Variants in RGS16 observed in about 807,000 individuals in gnomAD.
RGS16 encodes hRGS-r.
In RGS16, 12 loss-of-function variants were observed where a neutral mutation model predicts 18.1. That is an observed-to-expected ratio of 0.66 (90% CI 0.42 to 1.07). The LOEUF is 1.07. Ranked by LOEUF, RGS16 falls within the 50% of genes least tolerant of loss-of-function variation. The probability of loss-of-function intolerance (pLI) is 0.00; values close to 1 mark genes in which losing one functional copy is unlikely to be tolerated. For synonymous variants in RGS16, 88 were observed against 102.0 expected, an observed-to-expected ratio of 0.86 and a Z score of 0.83; for missense variants, 238 against 249.2, an observed-to-expected ratio of 0.95 and a Z score of 0.30.
chr1:182,601,096 C>G (rs1299290173), intron 4 of RGS16, among the ~76,000 whole-genome samples: 1 of 152,250 alleles, frequency 6.6e-6, no homozygotes, highest in East Asian at 1.9e-4. Context: ...CAGGCAGGCT[C>G]TGGCCATTGC....
At position 182,602,100 on chromosome 1, in the gene RGS16, T is replaced by C; in HGVS notation, c.253A>G (p.Thr85Ala). ...GVAAFHAFLK[T>A]EFSEENLEFW... ...TCCAGGTTCTCCTCACTGAACTCTG[T>C]CTTCAGGAAAGCGTGGAAGGCAGCC... Residue 85 changes from threonine (T) to alanine (A), a missense_variant, in exon 4 of 5, where the codon ACA (threonine) becomes GCA (alanine). Physicochemically the swap from Thr to Ala is moderately conservative, Grantham distance 58 (BLOSUM62 0). Coordinates refer to ENST00000367558, the MANE Select transcript of RGS16 (RefSeq NM_002928.4). 6.2e-7 allele frequency: 1 copy of C among 1,614,054 alleles called. No homozygotes were observed. Among genetic ancestry groups the C allele is most frequent in the East Asian group, 2.2e-5 (1 of 44,880 alleles).
intron 3 of RGS16, 74 bp from the exon 4 acceptor site, chr1:182,602,206 A>G: frequency 1.4e-6 from 2 of 1,476,598 alleles, no homozygotes; most frequent in African/African-American, 2.8e-5. Context: ...AAGGAAAGCA[A>G]TTGCAATTAA....
In RGS16 at chr1:182,600,556, G is replaced by A. The variant is rs555060803; in HGVS notation, c.388-43C>T. The A allele has an allele frequency of 4.3e-5, 67 of 1,576,266 alleles. 2 individuals are homozygous for A. In the South Asian group the frequency reaches 6.8e-4, roughly 16 times the overall value. On this transcript the variant is annotated intron_variant, in intron 4 of 4. Coordinates refer to ENST00000367558, the MANE Select transcript of RGS16 (RefSeq NM_002928.4). ...CACACAGGGTGAGTTGGGGAAGAGG[G>A]TGGGCATGGCTGAGGGAGGGCCAAC... is the stretch of plus-strand genomic sequence containing the variant.
rs1222663344 is a variant in RGS16 at position 182,603,293 on chromosome 1, C to T, written c.91G>A (p.Glu31Lys). 2 of 1,614,216 alleles carry T rather than the reference C, an allele frequency of 1.2e-6. No homozygotes were observed. The highest frequency in any genetic ancestry group is 1.7e-6 in the Non-Finnish European group (2 of 1,180,036). Residue 31 changes from glutamate to lysine, a missense_variant, in exon 2 of 5, where the codon GAG becomes AAG. By Grantham distance (56) the Glu-to-Lys change is moderately conservative (BLOSUM62 1). Coordinates refer to ENST00000367558, the MANE Select transcript of RGS16 (RefSeq NM_002928.4). ...TRLGIFLHKS[E>K]LGCDTGSTGK... ...GTACTCCCAGTATCGCAGCCCAGCT[C>T]TGATTTGTGAAGAAAGATCCCCAGA...
Position 182,604,353 on chromosome 1 carries a change from G to C in RGS16, c.-94C>G, listed in dbSNP as rs930124285. The C allele has an allele frequency of 7.7e-7, 1 of 1,298,446 alleles. No individual in the cohort carries two copies. The highest frequency in any genetic ancestry group is 1.5e-5 in the African/African-American group (1 of 67,150). 80.4% of individuals were successfully genotyped at this position (1,298,446 alleles called of 1,614,324 possible). On this transcript the variant is annotated 5_prime_UTR_variant, in exon 1 of 5. Transcript: ENST00000367558. ...AGGAAGCAAAGGCGCGGTAGCAGGT[G>C]CTAGTCAACTGCGGTTGGGTTTAGC... is the stretch of plus-strand genomic sequence containing the variant.
Position 182,602,059 on chromosome 1 carries a change from A to G in RGS16, c.294T>C (p.Cys98=), listed in dbSNP as rs202168139. 9 of 1,613,974 alleles carry G rather than the reference A, an allele frequency of 5.6e-6. No individual in the cohort carries two copies. Among genetic ancestry groups the G allele is most frequent in the Non-Finnish European group, 7.6e-6 (9 of 1,180,024 alleles). Residue 98 remains cysteine (C), a synonymous_variant, in exon 4 of 5, where the codon TGT becomes TGC. Coordinates refer to ENST00000367558, the MANE Select transcript of RGS16 (RefSeq NM_002928.4). ...CTGATCGGATCTTCTTGAACTCCTCACAGGCCAGCCAGAACTCCAGGTTCT... is the reference window on the plus strand; with the variant it reads ...CTGATCGGATCTTCTTGAACTCCTCGCAGGCCAGCCAGAACTCCAGGTTCT... ...SEENLEFWLA[C]EEFKKIRSAT... is the part of the protein sequence containing the mutation.
At position 182,602,423 on chromosome 1, in the gene RGS16, T is replaced by C; in HGVS notation, c.217A>G (p.Lys73Glu). 1 of 1,613,730 alleles carries C rather than the reference T, an allele frequency of 6.2e-7. No individual in the cohort carries two copies. The highest frequency in any genetic ancestry group is 8.5e-7 in the Non-Finnish European group (1 of 1,179,818). The part of the protein sequence containing the change: ...RESFDLLLSS[K>E]NGVAAFHAFL... ...GACACAAAAGGCTCCTACTCACTTT[T>C]ACTGCTCAGCAGCAGGTCGAACGAC... Residue 73 changes from lysine (K) to glutamate (E), a missense_variant, in exon 3 of 5, where the codon AAA becomes GAA. By Grantham distance (56) the Lys-to-Glu change is moderately conservative. Coordinates refer to ENST00000367558, the MANE Select transcript of RGS16 (RefSeq NM_002928.4).
Position 182,599,899 on chromosome 1 carries a change from G to T in RGS16, c.*393C>A. On this transcript the variant is annotated 3_prime_UTR_variant, in exon 5 of 5. Coordinates refer to ENST00000367558, the MANE Select transcript of RGS16 (RefSeq NM_002928.4). ...GAGCAACAGGCAAAACAGCTGATCT[G>T]GATGTCTTTCCTCCTCTCATTTTCA... The T allele has an allele frequency of 4.7e-6, 1 of 213,164 alleles. No homozygotes were observed. Among genetic ancestry groups the T allele is most frequent in the East Asian group, 1.2e-4 (1 of 8,562 alleles). 13.2% of individuals were successfully genotyped at this position (213,164 alleles called of 1,614,324 possible).
rs766520996 is a variant in RGS16 at position 182,600,500 on chromosome 1, T to C, written c.401A>G (p.His134Arg). 7 of 1,613,676 alleles carry C rather than the reference T, an allele frequency of 4.3e-6. No individual in the cohort carries two copies. Among genetic ancestry groups the C allele is most frequent in the African/African-American group, 2.7e-5 (2 of 74,844 alleles). Residue 134 changes from histidine to arginine, a missense_variant, in exon 5 of 5, where the codon CAT (histidine) becomes CGT (arginine). Transcript: ENST00000367558. ...SEAPKEVNID[H>R]ETHELTRMNL... ...CATCCTCGTCAGCTCGTGGGTCTCA[T>C]GGTCAATGTTGACCTGCGGGAAGGA...
At position 182,600,131 on chromosome 1, in the gene RGS16, C is replaced by T. The variant is rs557351871; in HGVS notation, c.*161G>A. The stretch of plus-strand genomic sequence containing the variant: ...ACAGTATCTGAAGGAGAGACTGCTG[C>T]TTCCCAAACAGGCTGCTGGAGCGCA... On this transcript the variant is annotated 3_prime_UTR_variant, in exon 5 of 5. Coordinates refer to ENST00000367558, the MANE Select transcript of RGS16 (RefSeq NM_002928.4). The T allele has an allele frequency of 7.9e-6, 5 of 630,056 alleles. No homozygotes were observed. In the African/African-American group the frequency reaches 9.5e-5, roughly 12 times the overall value. 39.0% of individuals were successfully genotyped at this position (630,056 alleles called of 1,614,324 possible).
Position 182,603,312 on chromosome 1 carries a change from C to G in RGS16, c.72G>C (p.Gly24=). 1 of 1,614,066 alleles carries G rather than the reference C, an allele frequency of 6.2e-7. No homozygotes were observed. Among genetic ancestry groups the G allele is most frequent in the Non-Finnish European group, 8.5e-7 (1 of 1,179,950 alleles). ...CCAGCTCTGATTTGTGAAGAAAGATCCCCAGACGTGTCTTGAACTCTTTGG... is the reference window on the plus strand; with the variant it reads ...CCAGCTCTGATTTGTGAAGAAAGATGCCCAGACGTGTCTTGAACTCTTTGG... The part of the protein sequence containing the change: ...ERAKEFKTRL[G]IFLHKSELGC... The change falls in exon 2 of 5, where the codon GGG becomes GGC. Residue 24 remains glycine (G), a synonymous_variant. Coordinates refer to ENST00000367558, the MANE Select transcript of RGS16 (RefSeq NM_002928.4).
At chr1:182,602,160 A>T in intron 3 of RGS16, 28 bp from the exon 4 acceptor site, 1 of 1,612,072 alleles carries the variant, frequency 6.2e-7, no homozygotes, top group Non-Finnish European at 8.5e-7. Flanking sequence ...AAGAGGAAAT[A>T]GGTCAGCTGG....
At position 182,603,338 on chromosome 1, in the gene RGS16, C is replaced by T; in HGVS notation, c.46G>A (p.Ala16Thr). Reference protein sequence around the residue: ...AAFPTTCLERAKEFKTRLGIF... With the variant: ...AAFPTTCLERTKEFKTRLGIF... ...CCCAGACGTGTCTTGAACTCTTTGG[C>T]TCTGAAAAACAAATCAGGAACATGA... Residue 16 changes from alanine (A) to threonine (T), a missense_variant and splice_region_variant, in exon 2 of 5, where the codon GCC (alanine) becomes ACC (threonine). By Grantham distance (58) the Ala-to-Thr change is moderately conservative (BLOSUM62 0). Coordinates refer to ENST00000367558, the MANE Select transcript of RGS16 (RefSeq NM_002928.4). 6.2e-7 allele frequency: 1 copy of T among 1,612,112 alleles called. No individual in the cohort carries two copies. Among genetic ancestry groups the T allele is most frequent in the Non-Finnish European group, 8.5e-7 (1 of 1,178,180 alleles).
chr1:182,603,179 C>A, intron 2 of RGS16, 50 bp downstream of exon 2: 1 of 1,363,934 alleles, frequency 7.3e-7, no homozygotes, highest in Non-Finnish European at 1.1e-6. Flanking sequence ...TCATGACTCC[C>A]TTCCCACTCC....
intron 2 of RGS16, 105 bp from the exon 3 acceptor site, chr1:182,602,589 A>C (rs776818525): frequency 5.5e-5 from 52 of 947,480 alleles, no homozygotes; most frequent in African/African-American, 1.2e-4. Context: ...TAAAATTCAC[A>C]GAAAGGCTTG....
At position 182,602,444 on chromosome 1, in the gene RGS16, A is replaced by G. The variant is rs1237426226; in HGVS notation, c.196T>C (p.Phe66Leu). 2 of 1,613,818 alleles carry G rather than the reference A, an allele frequency of 1.2e-6. No homozygotes were observed. The highest frequency in any genetic ancestry group is 1.7e-6 in the Non-Finnish European group (2 of 1,179,938). ...SEDVLGWRES[F>L]DLLLSSKNGV... is the part of the protein sequence containing the mutation. ...CTTTTACTGCTCAGCAGCAGGTCGA[A>G]CGACTCTCTCCACCCCAGCACATCT... Residue 66 changes from phenylalanine (F) to leucine (L), a missense_variant, in exon 3 of 5, where the codon TTC becomes CTC. Physicochemically the swap from Phe to Leu is conservative, Grantham distance 22. Transcript: ENST00000367558.
chr1:182,603,399 G>C (rs1661899836), intron 1 of RGS16, 60 bp from the exon 2 acceptor site: 1 of 1,411,962 alleles, frequency 7.1e-7, no homozygotes, highest in African/African-American at 1.4e-5. Context: ...GTGTGGAGAG[G>C]TTTATGGGTC....
Position 182,600,504 on chromosome 1 carries a change from C to A in RGS16, c.397G>T (p.Asp133Tyr). The A allele has an allele frequency of 1.2e-6, 2 of 1,613,690 alleles. No individual in the cohort carries two copies. Among genetic ancestry groups the A allele is most frequent in the South Asian group, 2.2e-5 (2 of 91,024 alleles). Residue 133 changes from aspartate to tyrosine, a missense_variant, in exon 5 of 5, where the codon GAC becomes TAC. By Grantham distance (160) the Asp-to-Tyr change is radical. Coordinates refer to ENST00000367558, the MANE Select transcript of RGS16 (RefSeq NM_002928.4). ...CSEAPKEVNI[D>Y]HETHELTRMN... ...CTCGTCAGCTCGTGGGTCTCATGGT[C>A]AATGTTGACCTGCGGGAAGGAGGAC... is the stretch of plus-strand genomic sequence containing the variant.
In RGS16 at chr1:182,601,932, C is replaced by G. The variant is rs188218774; in HGVS notation, c.387+34G>C. 6 of 1,612,796 alleles carry G rather than the reference C, an allele frequency of 3.7e-6. No individual in the cohort carries two copies. In the South Asian group the frequency reaches 4.4e-5, roughly 12 times the overall value. On this transcript the variant is annotated intron_variant, in intron 4 of 4. Transcript: ENST00000367558. ...TCAGAGGGGAAGGAGCAGGCAGGGT[C>G]GTGAGGATTCACTGGGCATATGGGG...
Sources: gnomAD v4.1 joint callset for allele counts (sites outside exome capture counted in the v4.1 genomes callset) on GRCh38, gnomAD v4.1.1 for gene constraint, MANE v1.5 for transcripts, NCBI Gene and HGNC (gene_info 2026-07-23, HGNC 2026-07-21) for gene names.